The following PRKCG variants were observed in gnomAD, a reference collection of about 807,000 sequenced individuals.
The protein encoded by PRKCG is protein kinase C gamma.
In PRKCG, 28 loss-of-function variants were observed where a neutral mutation model predicts 82.0. That is an observed-to-expected ratio of 0.34 (90% CI 0.25 to 0.47). The LOEUF (loss-of-function observed/expected upper bound fraction) is 0.47, where lower values mean the gene tolerates loss of function less well. Among genes scored for constraint, PRKCG ranks in the 20% least tolerant of loss-of-function variants. The pLI, the probability that PRKCG is intolerant of heterozygous loss-of-function variation, is 1.00. For synonymous variants in PRKCG, 383 were observed against 376.6 expected (o/e 1.02, Z -0.20); for missense variants, 640 against 952.7 (o/e 0.67, Z 4.32).
At chr19:53,897,854 C>A in intron 9 of PRKCG, 105 bp from the exon 10 acceptor site, 1 of 1,528,090 alleles carries the variant, frequency 6.5e-7, no homozygotes, top group Non-Finnish European at 9.0e-7. Context: ...CTCTGTCTAG[C>A]GATTCTCATC....
Position 53,882,321 on chromosome 19 carries a change from G to A in PRKCG, c.-174G>A. On this transcript the variant is annotated 5_prime_UTR_variant, in exon 1 of 18. Transcript: ENST00000263431. The surrounding 1 kb of genome is among the most constrained non-coding windows in gnomAD (Gnocchi z 6.1). Reference sequence around the variant, plus strand: ...TCCCCCTGGCGGAGCCGGCGCGCCCGGGGTGCCGCTCCCTGCCTGGCGCGC... The same window carrying A: ...TCCCCCTGGCGGAGCCGGCGCGCCCAGGGTGCCGCTCCCTGCCTGGCGCGC... The A allele has an allele frequency of 1.1e-6, 1 of 951,468 alleles. No homozygotes were observed. The highest frequency in any genetic ancestry group is 1.6e-6 in the Non-Finnish European group (1 of 640,830). The allele number at this position is 951,468 out of a possible 1,614,324, so 58.9% of individuals were successfully genotyped here. A position where few individuals can be genotyped will look rare whatever the true frequency, so the allele number is the denominator to read the frequency against.
In PRKCG at chr19:53,886,606, C is replaced by T. The variant is rs1191026067; in HGVS notation, c.285+2363C>T. ...ATGTTTTTGTAGAGATGGAGTCTCACTCACTATATTGCCCAGGCTGGTCTT... is the reference window on the plus strand; with the variant it reads ...ATGTTTTTGTAGAGATGGAGTCTCATTCACTATATTGCCCAGGCTGGTCTT... On this transcript the variant is annotated intron_variant, in intron 3 of 17. Coordinates refer to ENST00000263431, the MANE Select transcript of PRKCG (RefSeq NM_002739.5). Among the ~76,000 whole-genome samples the T allele has an allele frequency of 3.3e-5, 5 of 151,934 alleles. No homozygotes were observed. The East Asian group carries it at 9.7e-4, about 29-fold the overall frequency.
At position 53,907,187 on chromosome 19, in the gene PRKCG, T is replaced by G; in HGVS notation, c.*292T>G. 3.7e-6 allele frequency: 2 copies of G among 542,328 alleles called. No individual in the cohort carries two copies. Among genetic ancestry groups the G allele is most frequent in the East Asian group, 3.5e-5 (1 of 28,658 alleles). The allele number at this position is 542,328 out of a possible 1,614,324, so 33.6% of individuals were successfully genotyped here. On this transcript the variant is annotated 3_prime_UTR_variant, in exon 18 of 18. Coordinates refer to ENST00000263431, the MANE Select transcript of PRKCG (RefSeq NM_002739.5). ...GGTCCAGAGACCACACCACTAACCA[T>G]CCCCAACTCCATGGGGTTCGAGACT... is the stretch of plus-strand genomic sequence containing the variant.
chr19:53,884,891 GC>G lies in PRKCG; in HGVS notation c.285+652del, dbSNP rs2068620499. On this transcript the variant is annotated intron_variant, in intron 3 of 17. Coordinates refer to ENST00000263431, the MANE Select transcript of PRKCG (RefSeq NM_002739.5). The surrounding 1 kb of genome is among the most constrained non-coding windows in gnomAD (Gnocchi z 4.6). Reference sequence around the variant, plus strand: ...CACACATGTGCGTGCATGTACAGATGCCCCTGTCATCACAGATGTGCAGCAC... The same window carrying G: ...CACACATGTGCGTGCATGTACAGATGCCCTGTCATCACAGATGTGCAGCAC... 2.0e-5 allele frequency among the ~76,000 whole-genome samples: 3 copies of G among 152,210 alleles called. No individual in the cohort carries two copies. Among genetic ancestry groups the G allele is most frequent in the African/African-American group, 7.2e-5 (3 of 41,444 alleles).
chr19:53,898,574 T>C lies in PRKCG; in HGVS notation c.1227T>C (p.Gly409=), dbSNP rs761642351. Residue 409 remains glycine, a synonymous_variant, in exon 11 of 18, where the codon GGT becomes GGC. Coordinates refer to ENST00000263431, the MANE Select transcript of PRKCG (RefSeq NM_002739.5). ...EKRVLALGGR[G]PGGRPHFLTQ... is the part of the protein sequence containing the mutation. ...GTGTGCTGGCGCTGGGGGGCCGGGG[T>C]CCTGGCGGCCGGCCCCACTTCCTCA... The C allele has an allele frequency of 1.2e-6, 2 of 1,609,916 alleles. No homozygotes were observed. Among genetic ancestry groups the C allele is most frequent in the Non-Finnish European group, 1.7e-6 (2 of 1,178,860 alleles).
intron 17 of PRKCG, 69 bp downstream of exon 17, chr19:53,906,526 C>A: frequency 1.9e-6 from 3 of 1,572,620 alleles, no homozygotes; most frequent in Non-Finnish European, 1.7e-6. Context: ...CCTCAATATA[C>A]CTGTATGTGG....
At chr19:53,905,605 A>C (rs2068796611) in intron 16 of PRKCG, among the ~76,000 whole-genome samples, 2 of 145,758 alleles carry the variant, frequency 1.4e-5, no homozygotes, top group African/African-American at 2.6e-5. Flanking sequence ...CACCCTCTGA[A>C]TTTCTATTTC....
rs1444745217 is a variant in PRKCG, at chr19:53,906,439, T to A, written c.1887T>A (p.Pro629=). 3.8e-6 allele frequency: 6 copies of A among 1,575,754 alleles called. No homozygotes were observed. Residue 629 remains proline (P), a synonymous_variant, in exon 17 of 18, where the codon CCT becomes CCA. Coordinates refer to ENST00000263431, the MANE Select transcript of PRKCG (RefSeq NM_002739.5). The stretch of plus-strand genomic sequence containing the variant: ...GGCTGGAACGATTGGAGATCCCGCC[T>A]CCTTTCAGACCCCGCCCGGTCAGTC... ...WERLERLEIP[P]PFRPRPCGRS... is the part of the protein sequence containing the mutation.
Position 53,882,936 on chromosome 19 carries a change from T to A in PRKCG, c.171-227T>A, listed in dbSNP as rs964920441. 4.0e-5 allele frequency among the ~76,000 whole-genome samples: 6 copies of A among 151,516 alleles called. No individual in the cohort carries two copies. Among genetic ancestry groups the A allele is most frequent in the Non-Finnish European group, 7.4e-5 (5 of 67,874 alleles). On this transcript the variant is annotated intron_variant, in intron 1 of 17. Transcript: ENST00000263431. The surrounding 1 kb of genome is among the most constrained non-coding windows in gnomAD (Gnocchi z 6.1). ...GGAAGGGCCTGGGGGGCTGGGAGCC[T>A]GGATTCCTGGGTCTGAAGGAGGAAG...
chr19:53,904,562 G>T (rs1220053139), intron 15 of PRKCG, 73 bp from the exon 16 acceptor site: 2 of 1,320,940 alleles, frequency 1.5e-6, no homozygotes, highest in Non-Finnish European at 2.1e-6. Context: ...CCGGTGGGGT[G>T]AGGAGGGTGT....
At position 53,892,937 on chromosome 19, in the gene PRKCG, C is replaced by T; in HGVS notation, c.822-51C>T. 6.5e-7 allele frequency: 1 copy of T among 1,533,014 alleles called. No individual in the cohort carries two copies. Among genetic ancestry groups the T allele is most frequent in the Middle Eastern group, 1.7e-4 (1 of 5,900 alleles). 95.0% of individuals were successfully genotyped at this position (1,533,014 alleles called of 1,614,324 possible). On this transcript the variant is annotated intron_variant, in intron 7 of 17. Transcript: ENST00000263431. The surrounding 1 kb of genome is among the most constrained non-coding windows in gnomAD (Gnocchi z 5.9). ...TCCCTTCCAATGTCTTTGCCTCTCC[C>T]ATGGGTGCCCCATCCCCGCTGCCCG...
intron 11 of PRKCG, 91 bp downstream of exon 11, chr19:53,898,719 A>C: frequency 1.7e-6 from 2 of 1,200,808 alleles, no homozygotes; most frequent in Non-Finnish European, 1.1e-6. Context: ...AGGGCGAGGC[A>C]AGAGAACTTT....
intron 11 of PRKCG, 48 bp downstream of exon 11, chr19:53,898,676 A>G: frequency 6.7e-7 from 1 of 1,489,378 alleles, no homozygotes; most frequent in Non-Finnish European, 9.0e-7. Context: ...TGCCTTATCC[A>G]GTTCTGGACA....
In PRKCG at chr19:53,906,980, CT is replaced by C. The variant is rs755009866; in HGVS notation, c.*86del. ...ACTTCACCCCCAACTTCACCACCCC[CT>C]GTCCCATTCTAGATCCTGCACCCCA... is the stretch of plus-strand genomic sequence containing the variant. On this transcript the variant is annotated 3_prime_UTR_variant, in exon 18 of 18. Transcript: ENST00000263431. The C allele has an allele frequency of 6.9e-6, 11 of 1,588,818 alleles. No individual in the cohort carries two copies. The East Asian group carries it at 1.1e-4, about 17-fold the overall frequency.
At position 53,900,630 on chromosome 19, in the gene PRKCG, G is replaced by A. The variant is rs1436023041; in HGVS notation, c.1456G>A (p.Val486Met). The change falls in exon 14 of 18, where the codon GTG becomes ATG. Residue 486 changes from valine (V) to methionine (M), a missense_variant. Coordinates refer to ENST00000263431, the MANE Select transcript of PRKCG (RefSeq NM_002739.5). The surrounding 1 kb of genome is among the most constrained non-coding windows in gnomAD (Gnocchi z 4.2). ...GTCCAGGGACCTGAAGCTGGACAAT[G>A]TGATGCTGGATGCTGAGGGACACAT... ...IIYRDLKLDN[V>M]MLDAEGHIKI... The A allele has an allele frequency of 1.2e-6, 2 of 1,614,112 alleles. No homozygotes were observed. The highest frequency in any genetic ancestry group is 2.7e-5 in the African/African-American group (2 of 74,930).
chr19:53,890,257 ACTTT>A (rs1206259781), intron 5 of PRKCG, among the ~76,000 whole-genome samples: 9 of 147,902 alleles, frequency 6.1e-5, no homozygotes, highest in Middle Eastern at 3.5e-3. Context: ...AATGACTTTG[ACTTT>A]CTTTTTTTTT....
rs757436370 is a variant in PRKCG, at chr19:53,882,680, T to C, written c.170+16T>C. 2.5e-5 allele frequency: 30 copies of C among 1,190,380 alleles called. No homozygotes were observed. The East Asian group carries it at 8.2e-4, about 32-fold the overall frequency. The allele number at this position is 1,190,380 out of a possible 1,614,324, so 73.7% of individuals were successfully genotyped here. A position where few individuals can be genotyped will look rare whatever the true frequency, so the allele number is the denominator to read the frequency against. ...ACTTCATCTGGTGAGGGAAGGGGGC[T>C]GGGGGACTGGGGGACGAGGGGACTA... On this transcript the variant is annotated intron_variant, in intron 1 of 17. Coordinates refer to ENST00000263431, the MANE Select transcript of PRKCG (RefSeq NM_002739.5). This position sits in a 1 kb window ranked among gnomAD's most constrained non-coding sequence, Gnocchi z 6.1.
intron 16 of PRKCG, among the ~76,000 whole-genome samples, chr19:53,906,081 C>T (rs188629820): frequency 0.022 from 787 of 35,150 alleles, 19 homozygotes; most frequent in Middle Eastern, 0.05. Flanking sequence ...TCCTCCTCCT[C>T]CTCCTTCTTC....
Position 53,900,549 on chromosome 19 carries a change from G to T in PRKCG, c.1437-62G>T. On this transcript the variant is annotated intron_variant, in intron 13 of 17. Transcript: ENST00000263431. The surrounding 1 kb of genome is among the most constrained non-coding windows in gnomAD (Gnocchi z 4.2). ...GGAAGGGAAGGGATTTGAATATGTG[G>T]CTCTAGACTGCTGAACTCAACACTT... 6.2e-7 allele frequency: 1 copy of T among 1,614,162 alleles called. No individual in the cohort carries two copies. The highest frequency in any genetic ancestry group is 8.5e-7 in the Non-Finnish European group (1 of 1,180,030).
Sources: gnomAD v4.1 joint callset for allele counts (sites outside exome capture counted in the v4.1 genomes callset) on GRCh38, gnomAD v4.1.1 for gene constraint, Gnocchi (gnomAD v3.1) non-coding constraint, MANE v1.5 for transcripts, NCBI Gene and HGNC (gene_info 2026-07-23, HGNC 2026-07-21) for gene names.